Variants in NBAS observed in about 807,000 individuals in gnomAD.
The protein encoded by NBAS is NAG/BC035112 fusion.
In NBAS, 219 loss-of-function variants were observed where a neutral mutation model predicts 302.5. That is an observed-to-expected ratio of 0.72 (90% confidence interval 0.65 to 0.81). The LOEUF (loss-of-function observed/expected upper bound fraction) is 0.81, where lower values mean the gene tolerates loss of function less well. Ranked by LOEUF, NBAS falls within the 30% of genes least tolerant of loss-of-function variation. The pLI is 0.00. For synonymous variants in NBAS, 1,118 were observed against 1,021.6 expected, an observed-to-expected ratio of 1.09 and a Z score of -1.80; for missense variants, 2,932 against 2,841.6, an observed-to-expected ratio of 1.03 and a Z score of -0.72.
At chr2:14,997,776 C>A in the NBAS span, among the ~76,000 whole-genome samples, 1 of 152,164 alleles carries the variant, frequency 6.6e-6, no homozygotes, top group African/African-American at 2.4e-5. Context: ...CTCATTTCCC[C>A]CAATCCCAGA....
the NBAS span, among the ~76,000 whole-genome samples, chr2:14,803,913 G>A: frequency 1.3e-5 from 2 of 152,142 alleles, no homozygotes; most frequent in African/African-American, 4.8e-5. Flanking sequence ...GCCTCCCAAA[G>A]TGCTGGGATT....
At chr2:15,355,354 A>G (rs1673562745) in intron 33 of NBAS, among the ~76,000 whole-genome samples, 1 of 152,196 alleles carries the variant, frequency 6.6e-6, no homozygotes, top group African/African-American at 2.4e-5. Context: ...AAAACTCCCT[A>G]TCACACTGAA....
At chr2:14,782,827 G>A in the NBAS span, among the ~76,000 whole-genome samples, 1 of 152,062 alleles carries the variant, frequency 6.6e-6, no homozygotes, top group Non-Finnish European at 1.5e-5. Flanking sequence ...AGAGCTGGAG[G>A]CCATTATCCT....
Position 15,352,084 on chromosome 2 carries a change from A to G in NBAS, c.4090-3T>C, listed in dbSNP as rs1673389147. 1 of 1,594,450 alleles carries G rather than the reference A, an allele frequency of 6.3e-7. No homozygotes were observed. Among genetic ancestry groups the G allele is most frequent in the African/African-American group, 1.3e-5 (1 of 74,506 alleles). On this transcript the variant is annotated splice_polypyrimidine_tract_variant and splice_region_variant and intron_variant, in intron 34 of 51. Transcript: ENST00000281513. ...AAATTCACTCTTTGATAAAGAATCT[A>G]AAACAAGAATAGGCTATATTGTAAA...
the NBAS span, among the ~76,000 whole-genome samples, chr2:14,902,205 C>T: frequency 2.0e-5 from 3 of 152,222 alleles, no homozygotes; most frequent in East Asian, 1.9e-4. Context: ...GATCTCAGCT[C>T]ACTTCAAACT....
the NBAS span, among the ~76,000 whole-genome samples, chr2:14,922,241 G>C: frequency 6.6e-6 from 1 of 152,176 alleles, no homozygotes; most frequent in Non-Finnish European, 1.5e-5. Flanking sequence ...CTGGACACTG[G>C]CTTTCCCATC....
At chr2:15,413,597 G>C (rs1416965851) in intron 25 of NBAS, among the ~76,000 whole-genome samples, 1 of 152,204 alleles carries the variant, frequency 6.6e-6, no homozygotes, top group African/African-American at 2.4e-5. Context: ...GAGTGAAACA[G>C]ACAGCGGAGG....
At position 15,541,863 on chromosome 2, in the gene NBAS, C is replaced by T. The variant is rs1402578472; in HGVS notation, c.380-2507G>A. Among the ~76,000 whole-genome samples, 4 of 35,636 alleles carry T rather than the reference C, an allele frequency of 1.1e-4. 2 individuals carry two copies. The highest frequency in any genetic ancestry group is 4.3e-4 in the African/African-American group (4 of 9,220). The allele number at this position is 35,636 out of a possible 152,430, so 23.4% of individuals were successfully genotyped here. The stretch of plus-strand genomic sequence containing the variant: ...CGTCCGGGAGGGAGGTGGGGGGGTT[C>T]AGCCCCCCGCCCGGCCAGCCGCCCC... On this transcript the variant is annotated intron_variant, in intron 6 of 51. Transcript: ENST00000281513.
At chr2:15,354,167 A>T (rs1419169939) in intron 33 of NBAS, among the ~76,000 whole-genome samples, 1 of 152,194 alleles carries the variant, frequency 6.6e-6, no homozygotes, top group African/African-American at 2.4e-5. Context: ...GAATTAAGTA[A>T]CATTTGTATT....
rs191596169 is a variant in NBAS at position 15,404,525 on chromosome 2, T to A, written c.2938-2224A>T. Among the ~76,000 whole-genome samples the A allele has an allele frequency of 6.6e-3, 1,006 of 151,852 alleles. 11 individuals are homozygous for A. The highest frequency in any genetic ancestry group is 0.022 in the African/African-American group (907 of 41,402). On this transcript the variant is annotated intron_variant, in intron 25 of 51. Coordinates refer to ENST00000281513, the MANE Select transcript of NBAS (RefSeq NM_015909.4). Reference sequence around the variant, plus strand: ...CTTTTTTTTTTAATTTTTTTTTTTTTATTTTGAGACAGAGTCTCGCTGTGT... The same window carrying A: ...CTTTTTTTTTTAATTTTTTTTTTTTAATTTTGAGACAGAGTCTCGCTGTGT...
chr2:15,451,614 A>G (rs1347384101), intron 21 of NBAS, among the ~76,000 whole-genome samples: 5 of 152,140 alleles, frequency 3.3e-5, no homozygotes, highest in African/African-American at 9.7e-5. Context: ...CCTAAATCAA[A>G]TTTGTTCTAC....
chr2:15,142,906 T>C, the NBAS span, among the ~76,000 whole-genome samples: 2 of 152,326 alleles, frequency 1.3e-5, no homozygotes, highest in East Asian at 3.9e-4. Context: ...GTTTTGCTAA[T>C]AGTTTTTATA....
chr2:15,476,670 G>T (rs1680207112), intron 13 of NBAS, among the ~76,000 whole-genome samples: 1 of 151,960 alleles, frequency 6.6e-6, no homozygotes, highest in Admixed American at 6.6e-5. Flanking sequence ...AGCCTAGATG[G>T]TGCCACTACA....
At chr2:15,530,596 T>C (rs374454215) in intron 9 of NBAS, among the ~76,000 whole-genome samples, 2 of 152,012 alleles carry the variant, frequency 1.3e-5, no homozygotes, top group East Asian at 3.9e-4. Context: ...CATGTATTTA[T>C]ACAGAAAAAA....
chr2:15,350,952 A>T (rs1673323872), intron 35 of NBAS, among the ~76,000 whole-genome samples: 1 of 152,216 alleles, frequency 6.6e-6, no homozygotes, highest in African/African-American at 2.4e-5. Flanking sequence ...GTTGAATTAT[A>T]TACATATCTC....
intron 11 of NBAS, among the ~76,000 whole-genome samples, chr2:15,491,916 A>G (rs1351916590): frequency 1.3e-5 from 2 of 152,178 alleles, no homozygotes; most frequent in African/African-American, 2.4e-5. Flanking sequence ...GAAAGAGAAA[A>G]GGTACTGTTT....
chr2:15,048,537 A>G, the NBAS span, among the ~76,000 whole-genome samples: 1 of 152,060 alleles, frequency 6.6e-6, no homozygotes, highest in African/African-American at 2.4e-5. Flanking sequence ...CACGCTGAGA[A>G]CCACCTGTGC....
chr2:15,293,135 G>A (rs1291943367), intron 40 of NBAS, among the ~76,000 whole-genome samples: 1 of 152,148 alleles, frequency 6.6e-6, no homozygotes, highest in East Asian at 1.9e-4. Flanking sequence ...CACTCTAGAA[G>A]TAATTTTCAT....
At chr2:14,800,785 G>GTTTTTTTTTTTTTTTTTTTTTTTTTTTTT in the NBAS span, among the ~76,000 whole-genome samples, 4 of 129,526 alleles carry the variant, frequency 3.1e-5, 1 homozygote, top group African/African-American at 3.2e-5. Context: ...GATTTAAATT[G>GTTTTTTTTTTTTTTTTTTTTTTTTTTTTT]TTTTTGTTTT....
Sources: allele counts gnomAD v4.1 joint callset (sites outside exome capture counted in the v4.1 genomes callset), GRCh38; gene constraint gnomAD v4.1.1; transcripts MANE v1.5; gene names NCBI Gene and HGNC (gene_info 2026-07-23, HGNC 2026-07-21).